The following CDH9 variants were observed in gnomAD, a reference collection of about 807,000 sequenced individuals.
CDH9 encodes cadherin 9, also known as cadherin-9.
A neutral mutation model predicts 70.9 loss-of-function variants in CDH9; 28 were observed. The observed-to-expected ratio is 0.40, with a 90% CI of 0.29 to 0.54. The LOEUF is 0.54. CDH9 is among the 20% of genes least tolerant of loss of function. CDH9 has a pLI of 0.59. For synonymous variants in CDH9, 409 were observed against 343.1 expected, an observed-to-expected ratio of 1.19 and a Z score of -2.12; for missense variants, 874 against 984.4, an observed-to-expected ratio of 0.89 and a Z score of 1.50.
intron 2 of CDH9, among the ~76,000 whole-genome samples, chr5:26,944,277 A>G (rs1237505126): frequency 6.9e-6 from 1 of 144,398 alleles, no homozygotes; most frequent in Non-Finnish European, 1.5e-5. Context: ...CTTTTATTTT[A>G]TTTTTATCCT....
intron 2 of CDH9, among the ~76,000 whole-genome samples, chr5:26,963,422 A>G (rs1288523491): frequency 1.3e-5 from 2 of 152,152 alleles, no homozygotes; most frequent in East Asian, 3.9e-4. Flanking sequence ...AAGGTATCAA[A>G]TGCCAATTAT....
At chr5:26,995,698 A>G (rs1046286034) in intron 1 of CDH9, among the ~76,000 whole-genome samples, 3 of 152,064 alleles carry the variant, frequency 2.0e-5, no homozygotes, top group East Asian at 1.9e-4. Context: ...CATTGGATTT[A>G]TTAAAAATTC....
chr5:26,999,224 C>T lies in CDH9; in HGVS notation c.-49-10842G>A, dbSNP rs112920169. 9.0e-3 allele frequency among the ~76,000 whole-genome samples: 1,358 copies of T among 151,476 alleles called. 26 individuals are homozygous for T. Among genetic ancestry groups the T allele is most frequent in the African/African-American group, 0.031 (1,286 of 41,294 alleles). On this transcript the variant is annotated intron_variant, in intron 1 of 11. Coordinates refer to ENST00000231021, the MANE Select transcript of CDH9 (RefSeq NM_016279.4). Reference sequence around the variant, plus strand: ...CATGCCCTCCAGCCTGGTGACGGAGCGAGACTCCGTCTAAAAAAAAATAAA... The same window carrying T: ...CATGCCCTCCAGCCTGGTGACGGAGTGAGACTCCGTCTAAAAAAAAATAAA...
intron 1 of CDH9, among the ~76,000 whole-genome samples, chr5:27,033,010 G>A (rs1003183011): frequency 6.6e-6 from 1 of 150,810 alleles, no homozygotes; most frequent in Non-Finnish European, 1.5e-5. Context: ...TGGGTAAAAA[G>A]ATAATAAATT....
intron 2 of CDH9, among the ~76,000 whole-genome samples, chr5:26,978,208 TAAAG>T (rs1325594904): frequency 2.0e-5 from 3 of 151,890 alleles, no homozygotes; most frequent in Non-Finnish European, 4.4e-5. Context: ...GAAATAGACT[TAAAG>T]AAGACCCTGA....
intron 2 of CDH9, among the ~76,000 whole-genome samples, chr5:26,964,071 T>C (rs1026428668): frequency 2.0e-5 from 3 of 151,696 alleles, no homozygotes; most frequent in African/African-American, 7.3e-5. Flanking sequence ...TTGTGAAGAG[T>C]ATTTTCACAA....
chr5:26,907,219 T>C (rs1335630655), intron 3 of CDH9, among the ~76,000 whole-genome samples: 1 of 152,130 alleles, frequency 6.6e-6, no homozygotes, highest in Non-Finnish European at 1.5e-5. Flanking sequence ...ATTTAAAAGA[T>C]AAATCTAACA....
intron 1 of CDH9, among the ~76,000 whole-genome samples, chr5:27,033,152 G>T (rs1281464661): frequency 1.3e-5 from 2 of 151,076 alleles, no homozygotes; most frequent in African/African-American, 4.8e-5. Context: ...GACTATAATT[G>T]AGTTTAAGAT....
At chr5:27,002,713 T>A (rs1742792257) in intron 1 of CDH9, among the ~76,000 whole-genome samples, 1 of 151,776 alleles carries the variant, frequency 6.6e-6, no homozygotes, top group Admixed American at 6.6e-5. Context: ...AGGTGAGAAT[T>A]GAACAATGAG....
chr5:26,893,904 A>G (rs1221443802), intron 7 of CDH9, among the ~76,000 whole-genome samples: 1 of 152,126 alleles, frequency 6.6e-6, no homozygotes, highest in Non-Finnish European at 1.5e-5. Context: ...ATAGGTTTCA[A>G]CCCTTTCACA....
At chr5:26,998,265 G>T (rs1244290397) in intron 1 of CDH9, among the ~76,000 whole-genome samples, 1 of 152,050 alleles carries the variant, frequency 6.6e-6, no homozygotes, top group South Asian at 2.1e-4. Flanking sequence ...CATTCTGTAG[G>T]TTGCCTATTC....
chr5:26,978,229 A>G (rs1026456437), intron 2 of CDH9, among the ~76,000 whole-genome samples: 13 of 152,022 alleles, frequency 8.6e-5, no homozygotes, highest in Non-Finnish European at 1.8e-4. Flanking sequence ...CTGATATTGA[A>G]TTTAGTGGGA....
chr5:26,894,494 C>T (rs541253790), intron 7 of CDH9, among the ~76,000 whole-genome samples: 3 of 152,078 alleles, frequency 2.0e-5, no homozygotes, highest in Admixed American at 6.6e-5. Context: ...ACAGACGATA[C>T]AGAAATAGCT....
At chr5:27,013,300 C>T (rs1382310260) in intron 1 of CDH9, among the ~76,000 whole-genome samples, 3 of 151,902 alleles carry the variant, frequency 2.0e-5, no homozygotes. Flanking sequence ...TAAAAGTTTT[C>T]TCCTTGCACC....
In CDH9 at chr5:26,904,664, C is replaced by T. The variant is rs544912562; in HGVS notation, c.812-840G>A. Reference sequence around the variant, plus strand: ...TCTGACTTCAAAGTCTATATTCTTTCCAATTTATTTGGTGGTTAAGAATAT... The same window carrying T: ...TCTGACTTCAAAGTCTATATTCTTTTCAATTTATTTGGTGGTTAAGAATAT... On this transcript the variant is annotated intron_variant, in intron 5 of 11. Coordinates refer to ENST00000231021, the MANE Select transcript of CDH9 (RefSeq NM_016279.4). Among the ~76,000 whole-genome samples the T allele has an allele frequency of 2.0e-4, 31 of 152,110 alleles. No homozygotes were observed. The South Asian group carries it at 6.4e-3, about 32-fold the overall frequency.
At chr5:26,939,648 A>T (rs906539493) in intron 2 of CDH9, among the ~76,000 whole-genome samples, 1 of 152,106 alleles carries the variant, frequency 6.6e-6, no homozygotes, top group African/African-American at 2.4e-5. Flanking sequence ...AAATATGCAT[A>T]CTTTTTGGCA....
chr5:26,969,997 C>G (rs1004107265), intron 2 of CDH9, among the ~76,000 whole-genome samples: 2 of 150,424 alleles, frequency 1.3e-5, no homozygotes, highest in Admixed American at 1.3e-4. Context: ...ATTCTCAATA[C>G]TTCTTTATAC....
At chr5:26,891,510 T>A (rs973290452) in intron 7 of CDH9, among the ~76,000 whole-genome samples, 1 of 152,022 alleles carries the variant, frequency 6.6e-6, no homozygotes, top group Non-Finnish European at 1.5e-5. Flanking sequence ...AAACCCCGTC[T>A]CTACTAAAAA....
intron 1 of CDH9, among the ~76,000 whole-genome samples, chr5:27,032,378 ATAT>A (rs897309405): frequency 1.3e-5 from 2 of 151,676 alleles, no homozygotes; most frequent in Admixed American, 6.6e-5. Flanking sequence ...ATAAGTGTAC[ATAT>A]TATTATAATA....
Sources: gnomAD v4.1 joint callset for allele counts (sites outside exome capture counted in the v4.1 genomes callset) on GRCh38, gnomAD v4.1.1 for gene constraint, MANE v1.5 for transcripts, NCBI Gene and HGNC (gene_info 2026-07-23, HGNC 2026-07-21) for gene names.